PPP6R3: variants seen among roughly 807,000 people sequenced by gnomAD.
PPP6R3 encodes protein phosphatase 6 regulatory subunit 3.
Under a neutral mutation model 110.7 loss-of-function variants are expected in PPP6R3, and 38 were observed. The ratio of observed to expected loss-of-function variants is 0.34; its 90% confidence interval spans 0.26 to 0.45. The LOEUF is 0.45. PPP6R3 is among the 20% of genes least tolerant of loss of function. The probability of loss-of-function intolerance (pLI) is 1.00; values close to 1 mark genes in which losing one functional copy is unlikely to be tolerated. For missense variants in PPP6R3, 870 were observed against 1,062.4 expected, an observed-to-expected ratio of 0.82 and a Z score of 2.52; for synonymous variants, 369 against 373.5, an observed-to-expected ratio of 0.99 and a Z score of 0.14.
At chr11:68,477,533 TG>T (rs1407247006) in intron 1 of PPP6R3, among the ~76,000 whole-genome samples, 1 of 151,684 alleles carries the variant, frequency 6.6e-6, no homozygotes, top group Non-Finnish European at 1.5e-5. Context: ...GAGACCAGCC[TG>T]TGCAACATAG....
chr11:68,504,434 C>T (rs1379166389), intron 1 of PPP6R3, among the ~76,000 whole-genome samples: 1 of 152,176 alleles, frequency 6.6e-6, no homozygotes, highest in Non-Finnish European at 1.5e-5. Flanking sequence ...ATATTCCTTT[C>T]TCCAGATACC....
intron 1 of PPP6R3, among the ~76,000 whole-genome samples, chr11:68,501,948 C>T (rs1224672101): frequency 2.6e-5 from 4 of 152,146 alleles, no homozygotes; most frequent in Admixed American, 6.5e-5. Flanking sequence ...CCAGTTTTGT[C>T]TGCCTCATCA....
At chr11:68,610,121 G>C in intron 23 of PPP6R3, 98 bp downstream of exon 23, 1 of 1,496,870 alleles carries the variant, frequency 6.7e-7, no homozygotes, top group Admixed American at 2.1e-5. Flanking sequence ...GTTTACAGCT[G>C]TGCTCAAGTC....
intron 1 of PPP6R3, among the ~76,000 whole-genome samples, chr11:68,504,583 C>A (rs571328775): frequency 6.6e-6 from 1 of 152,238 alleles, no homozygotes; most frequent in South Asian, 2.1e-4. Context: ...AGTAAGTGTA[C>A]CCCCTGTCAA....
intron 23 of PPP6R3, 48 bp downstream of exon 23, chr11:68,610,071 C>A (rs965027638): frequency 1.3e-6 from 2 of 1,597,588 alleles, no homozygotes; most frequent in Non-Finnish European, 1.7e-6. Flanking sequence ...CCTGACCTTG[C>A]CTGTTGCTTC....
At chr11:68,501,326 C>T (rs564029985) in intron 1 of PPP6R3, among the ~76,000 whole-genome samples, 31 of 152,242 alleles carry the variant, frequency 2.0e-4, no homozygotes, top group African/African-American at 7.2e-4. Context: ...AAGAAGTAGA[C>T]AAATTATTAG....
intron 2 of PPP6R3, among the ~76,000 whole-genome samples, chr11:68,533,086 A>C (rs2099249942): frequency 6.6e-6 from 1 of 152,160 alleles, no homozygotes; most frequent in African/African-American, 2.4e-5. Context: ...TAGAGTAGTT[A>C]TATTTTTTAA....
At chr11:68,583,883 A>G (rs1431336261) in intron 15 of PPP6R3, among the ~76,000 whole-genome samples, 1 of 152,036 alleles carries the variant, frequency 6.6e-6, no homozygotes, top group African/African-American at 2.4e-5. Context: ...ATTAACGGGG[A>G]CACCTTCCCA....
intron 12 of PPP6R3, among the ~76,000 whole-genome samples, chr11:68,572,631 G>A (rs1241255139): frequency 6.6e-6 from 1 of 152,116 alleles, no homozygotes; most frequent in African/African-American, 2.4e-5. Context: ...GGGAGGATTG[G>A]TTGAGGCCAG....
intron 14 of PPP6R3, among the ~76,000 whole-genome samples, chr11:68,578,628 T>C (rs2099541127): frequency 6.6e-6 from 1 of 152,244 alleles, no homozygotes; most frequent in South Asian, 2.1e-4. Flanking sequence ...CATTCATTTA[T>C]ACACTGAACA....
chr11:68,572,181 T>C (rs2099510100), intron 12 of PPP6R3, among the ~76,000 whole-genome samples: 1 of 152,178 alleles, frequency 6.6e-6, no homozygotes, highest in Non-Finnish European at 1.5e-5. Context: ...TGTGGCCCAG[T>C]TGACATCTCT....
intron 3 of PPP6R3, among the ~76,000 whole-genome samples, chr11:68,541,091 T>C (rs1300514048): frequency 6.6e-6 from 1 of 152,178 alleles, no homozygotes; most frequent in Non-Finnish European, 1.5e-5. Flanking sequence ...ATCTTTACAA[T>C]TTATATTTAG....
At chr11:68,480,381 G>A (rs1350434949) in intron 1 of PPP6R3, among the ~76,000 whole-genome samples, 5 of 152,184 alleles carry the variant, frequency 3.3e-5, no homozygotes, top group African/African-American at 1.2e-4. Context: ...AATATTTATT[G>A]AGCTCTTCTG....
chr11:68,478,064 C>G (rs2098848408), intron 1 of PPP6R3, among the ~76,000 whole-genome samples: 1 of 151,920 alleles, frequency 6.6e-6, no homozygotes, highest in Admixed American at 6.6e-5. Context: ...ATTGTCCTGC[C>G]TCAGCCTCCC....
chr11:68,496,364 C>T (rs1257619813), intron 1 of PPP6R3, among the ~76,000 whole-genome samples: 5 of 151,878 alleles, frequency 3.3e-5, no homozygotes, highest in East Asian at 1.9e-4. Context: ...CTTTTTGAGA[C>T]GGGGTCTCTC....
At chr11:68,478,647 G>GTCTTTTTTT (rs2098860039) in intron 1 of PPP6R3, among the ~76,000 whole-genome samples, 1 of 50,506 alleles carries the variant, frequency 2.0e-5, no homozygotes, top group South Asian at 1.0e-3. Context: ...CACTTGGTAA[G>GTCTTTTTTT]TTTTTTTTTT....
rs1321679775 is a variant in PPP6R3 at position 68,601,943 on chromosome 11, C to T, written c.2273C>T (p.Ala758Val). 8 of 1,612,802 alleles carry T rather than the reference C, an allele frequency of 5.0e-6. No individual in the cohort carries two copies. The highest frequency in any genetic ancestry group is 2.7e-5 in the African/African-American group (2 of 74,900). The change falls in exon 21 of 24, where the codon GCG becomes GTG. Residue 758 changes from alanine (A) to valine (V), a missense_variant. Ala to Val is a moderately conservative substitution (Grantham distance 64). Transcript: ENST00000393800. ...CCCATGGACCCTCTGACTCCCAGTG[C>T]GGCTGCCCTGGCAGTGCAGCCAGAA... ...TEPMDPLTPS[A>V]AALAVQPEAA...
At chr11:68,549,619 G>A (rs2099363019) in intron 5 of PPP6R3, among the ~76,000 whole-genome samples, 1 of 152,110 alleles carries the variant, frequency 6.6e-6, no homozygotes, top group African/African-American at 2.4e-5. Context: ...TGAGGATTCT[G>A]GGGAAGACTG....
At chr11:68,468,686 A>T (rs1288744908) in intron 1 of PPP6R3, among the ~76,000 whole-genome samples, 6 of 152,192 alleles carry the variant, frequency 3.9e-5, no homozygotes, top group Admixed American at 3.9e-4. Flanking sequence ...GAGGTTACAG[A>T]GTTAGTGTTG....
Sources: gnomAD v4.1 joint callset for allele counts (sites outside exome capture counted in the v4.1 genomes callset) on GRCh38, gnomAD v4.1.1 for gene constraint, MANE v1.5 for transcripts, NCBI Gene and HGNC (gene_info 2026-07-23, HGNC 2026-07-21) for gene names.